Variants in THAP6 observed in about 807,000 individuals in gnomAD.
The protein encoded by THAP6 is THAP domain containing 6, also known as THAP domain-containing protein 6.
Under a neutral mutation model 20.0 loss-of-function variants are expected in THAP6, and 13 were observed. The observed-to-expected ratio is 0.65, with a 90% CI of 0.42 to 1.03. The LOEUF (loss-of-function observed/expected upper bound fraction) is 1.03, where lower values mean the gene tolerates loss of function less well. THAP6 is among the 50% of genes least tolerant of loss of function. The pLI is 0.00. For synonymous variants in THAP6, 93 were observed against 92.2 expected (o/e 1.01, Z -0.05); for missense variants, 262 against 261.6 (o/e 1.00, Z -0.01).
chr4:75,532,737 T>C (rs1578278210), downstream of THAP6, among the ~76,000 whole-genome samples: 1 of 152,224 alleles, frequency 6.6e-6, no homozygotes, highest in Non-Finnish European at 1.5e-5. Flanking sequence ...CAACATCATA[T>C]GGAAGCTGCC....
chr4:75,514,393 A>G (rs1052137914), upstream of THAP6: 2 of 1,302,958 alleles, frequency 1.5e-6, no homozygotes, highest in African/African-American at 1.5e-5. Flanking sequence ...AGCGGCCACT[A>G]GCGACAATAT....
In THAP6 at chr4:75,515,530, CGTGTAAGA is replaced by C; in HGVS notation, c.79_80+6del. On this transcript the variant is annotated splice_donor_variant and splice_donor_5th_base_variant and coding_sequence_variant and intron_variant, in exon 2 of 5. Transcript: ENST00000311638. LOFTEE classifies it high-confidence loss of function. ...CGAAGTTAAAAGGACTGACATTTCA[CGTGTAAGA>C]TTTTGCTGTAGTTAAGCCAAATACT... 6.2e-7 allele frequency: 1 copy of C among 1,613,326 alleles called. No homozygotes were observed. Among genetic ancestry groups the C allele is most frequent in the Middle Eastern group, 1.7e-4 (1 of 6,056 alleles).
rs1335605255 is a variant in THAP6 at position 75,527,937 on chromosome 4, C to T, written c.*723C>T. The stretch of plus-strand genomic sequence containing the variant: ...GATCTGATTTTTAAATGGTTGGTTG[C>T]TCTGACAGATCTGAACACTTTGCTT... On this transcript the variant is annotated 3_prime_UTR_variant, in exon 5 of 5. Coordinates refer to ENST00000311638, the MANE Select transcript of THAP6 (RefSeq NM_144721.6). 7.1e-6 allele frequency: 7 copies of T among 985,242 alleles called. No individual in the cohort carries two copies. The highest frequency in any genetic ancestry group is 8.4e-6 in the Non-Finnish European group (7 of 829,904). 61.0% of individuals were successfully genotyped at this position (985,242 alleles called of 1,614,324 possible). A position where few individuals can be genotyped will look rare whatever the true frequency, so the allele number is the denominator to read the frequency against.
At chr4:75,514,355 G>A, upstream of THAP6, 2 of 1,535,048 alleles carry the variant, frequency 1.3e-6, no homozygotes, top group Middle Eastern at 4.5e-4. Context: ...GAGAAGCTGC[G>A]CCTCTCTAGC....
At chr4:75,514,071 AG>A, upstream of THAP6, 1 of 1,433,090 alleles carries the variant, frequency 7.0e-7, no homozygotes, top group Admixed American at 2.3e-5. Flanking sequence ...ACCCAGTTCC[AG>A]GTGGAAAAGG....
rs1725466855 is a variant in THAP6, at chr4:75,515,139, T to A, written c.-20-294T>A. Reference sequence around the variant, plus strand: ...CGAGGGCTGAAAGATGGGTAGGAGTTAGTGTGCAAAAGGCTTTGTGGCACA... The same window carrying A: ...CGAGGGCTGAAAGATGGGTAGGAGTAAGTGTGCAAAAGGCTTTGTGGCACA... On this transcript the variant is annotated intron_variant, in intron 1 of 4. Transcript: ENST00000311638. 1.2e-5 allele frequency: 3 copies of A among 252,388 alleles called. No homozygotes were observed. In the East Asian group the frequency reaches 2.2e-4, roughly 19 times the overall value. 15.6% of individuals were successfully genotyped at this position (252,388 alleles called of 1,614,324 possible). A position where few individuals can be genotyped will look rare whatever the true frequency, so the allele number is the denominator to read the frequency against.
chr4:75,532,356 C>T (rs1361997571), downstream of THAP6, among the ~76,000 whole-genome samples: 1 of 152,232 alleles, frequency 6.6e-6, no homozygotes, highest in Non-Finnish European at 1.5e-5. Flanking sequence ...GCATAGGTTT[C>T]TATAGTCTTG....
rs1034796549 is a variant in THAP6, at chr4:75,527,849, C to T, written c.*635C>T. On this transcript the variant is annotated 3_prime_UTR_variant, in exon 5 of 5. Coordinates refer to ENST00000311638, the MANE Select transcript of THAP6 (RefSeq NM_144721.6). The stretch of plus-strand genomic sequence containing the variant: ...TCAGTTTTCAGTACAGTACATCATT[C>T]CTCCTCACTAGGAGCACTTTGATGT... The T allele has an allele frequency of 5.1e-6, 5 of 985,334 alleles. No individual in the cohort carries two copies. In the African/African-American group the frequency reaches 8.7e-5, roughly 17 times the overall value. The allele number at this position is 985,334 out of a possible 1,614,324, so 61.0% of individuals were successfully genotyped here. A position where few individuals can be genotyped will look rare whatever the true frequency, so the allele number is the denominator to read the frequency against.
chr4:75,514,086 C>A, upstream of THAP6: 1 of 1,498,150 alleles, frequency 6.7e-7, no homozygotes, highest in Non-Finnish European at 9.0e-7. Context: ...GAAAAGGTAT[C>A]CTGAAAATCA....
At position 75,521,720 on chromosome 4, in the gene THAP6, T is replaced by G. The variant is rs764618886; in HGVS notation, c.289-16T>G. On this transcript the variant is annotated splice_polypyrimidine_tract_variant and intron_variant, in intron 3 of 4. Coordinates refer to ENST00000311638, the MANE Select transcript of THAP6 (RefSeq NM_144721.6). ...AAGTATCTCACTTGATGATTATTATTAACTACTCTTAACAGGGGAAAAGAG... is the reference window on the plus strand; with the variant it reads ...AAGTATCTCACTTGATGATTATTATGAACTACTCTTAACAGGGGAAAAGAG... 2 of 1,587,984 alleles carry G rather than the reference T, an allele frequency of 1.3e-6. No individual in the cohort carries two copies. Among genetic ancestry groups the G allele is most frequent in the South Asian group, 1.2e-5 (1 of 86,240 alleles).
rs1726493593 is a variant in THAP6, at chr4:75,528,098, A to T, written c.*884A>T. 1.0e-6 allele frequency: 1 copy of T among 984,676 alleles called. No homozygotes were observed. 61.0% of individuals were successfully genotyped at this position (984,676 alleles called of 1,614,324 possible). ...TAAAAAAATACAAAATACAAAAGAA[A>T]CCATTAGAAATTAATAACTGTGGCT... On this transcript the variant is annotated 3_prime_UTR_variant, in exon 5 of 5. Coordinates refer to ENST00000311638, the MANE Select transcript of THAP6 (RefSeq NM_144721.6).
chr4:75,522,347 G>C (rs1726085138), intron 4 of THAP6: 1 of 153,082 alleles, frequency 6.5e-6, no homozygotes. Context: ...TATATTTATA[G>C]GATACATGAG....
At chr4:75,545,967 C>G (rs987940031) in intron 3 of THAP6, among the ~76,000 whole-genome samples, 4 of 152,196 alleles carry the variant, frequency 2.6e-5, no homozygotes, top group African/African-American at 9.6e-5. Context: ...GTGTGGACAG[C>G]TAGAAAGCCT....
downstream of THAP6, among the ~76,000 whole-genome samples, chr4:75,532,750 G>A (rs1023370702): frequency 6.6e-6 from 1 of 152,214 alleles, no homozygotes; most frequent in African/African-American, 2.4e-5. Flanking sequence ...AAGCTGCCAA[G>A]GCTTGAGACT....
At position 75,518,590 on chromosome 4, in the gene THAP6, G is replaced by T. The variant is rs538397289; in HGVS notation, c.288+1611G>T. Among the ~76,000 whole-genome samples the T allele has an allele frequency of 4.7e-4, 72 of 152,168 alleles. 2 individuals carry two copies. Among genetic ancestry groups the T allele is most frequent in the Non-Finnish European group, 1.2e-4 (8 of 68,032 alleles). ...TCACTTGAGAAAACTGAGGCCCAGAGAACTAGAATGCCCTTCCCAGGGTCA... is the reference window on the plus strand; with the variant it reads ...TCACTTGAGAAAACTGAGGCCCAGATAACTAGAATGCCCTTCCCAGGGTCA... On this transcript the variant is annotated intron_variant, in intron 3 of 4. Coordinates refer to ENST00000311638, the MANE Select transcript of THAP6 (RefSeq NM_144721.6).
chr4:75,515,616 A>G, intron 2 of THAP6, 84 bp downstream of exon 2: 2 of 1,350,112 alleles, frequency 1.5e-6, no homozygotes, highest in South Asian at 2.4e-5. Flanking sequence ...TTCAATTTTG[A>G]ACTTTAGTTC....
At position 75,527,636 on chromosome 4, in the gene THAP6, A is replaced by G. The variant is rs890399854; in HGVS notation, c.*422A>G. The G allele has an allele frequency of 7.0e-6, 7 of 1,002,358 alleles. No individual in the cohort carries two copies. The highest frequency in any genetic ancestry group is 1.7e-5 in the African/African-American group (1 of 57,542). 62.1% of individuals were successfully genotyped at this position (1,002,358 alleles called of 1,614,324 possible). A position where few individuals can be genotyped will look rare whatever the true frequency, so the allele number is the denominator to read the frequency against. ...AATTTTACTTTAAATGCATTTTACTACAAAGCACAATTCATTTGTAATGCA... is the reference window on the plus strand; with the variant it reads ...AATTTTACTTTAAATGCATTTTACTGCAAAGCACAATTCATTTGTAATGCA... On this transcript the variant is annotated 3_prime_UTR_variant, in exon 5 of 5. Coordinates refer to ENST00000311638, the MANE Select transcript of THAP6 (RefSeq NM_144721.6).
chr4:75,545,668 C>T (rs558851229), intron 3 of THAP6, among the ~76,000 whole-genome samples: 2 of 152,300 alleles, frequency 1.3e-5, no homozygotes. Context: ...ATAATCCTGG[C>T]TGAGGCAGCC....
chr4:75,523,818 A>G (rs924401251), intron 4 of THAP6, among the ~76,000 whole-genome samples: 41 of 151,046 alleles, frequency 2.7e-4, no homozygotes, highest in Admixed American at 1.8e-3. Flanking sequence ...AAAAAAAAAA[A>G]AAAGAAAAGA....
Sources: gnomAD v4.1 joint callset for allele counts (sites outside exome capture counted in the v4.1 genomes callset) on GRCh38, gnomAD v4.1.1 for gene constraint, MANE v1.5 for transcripts, NCBI Gene and HGNC (gene_info 2026-07-23, HGNC 2026-07-21) for gene names.